Variants in LMOD1 observed in about 807,000 individuals in gnomAD.
The protein encoded by LMOD1 is leiomodin 1, also known as leiomodin-1.
Under a neutral mutation model 36.5 loss-of-function variants are expected in LMOD1, and 8 were observed. The observed-to-expected ratio is 0.22, with a 90% CI of 0.13 to 0.40. LMOD1 has a LOEUF of 0.40. Among genes scored for constraint, LMOD1 ranks in the 10% least tolerant of loss-of-function variants. The pLI is 1.00. For missense variants in LMOD1, 630 were observed against 751.1 expected (o/e 0.84, Z 1.88); for synonymous variants, 284 against 288.7 (o/e 0.98, Z 0.17).
intron 1 of LMOD1, among the ~76,000 whole-genome samples, chr1:201,915,898 C>T (rs2819349): frequency 0.3 from 45,272 of 151,870 alleles, 6,967 homozygotes; most frequent in Non-Finnish European, 0.34. Context: ...CAGACCCATC[C>T]GAAGCCTTTC....
Position 201,899,761 on chromosome 1 carries a change from T to A in LMOD1, c.1252A>T (p.Thr418Ser). 6.2e-7 allele frequency: 1 copy of A among 1,614,060 alleles called. No homozygotes were observed. The highest frequency in any genetic ancestry group is 8.5e-7 in the Non-Finnish European group (1 of 1,179,900). Residue 418 changes from threonine (T) to serine (S), a missense_variant, in exon 2 of 3, where the codon ACC becomes TCC. Coordinates refer to ENST00000367288, the MANE Select transcript of LMOD1 (RefSeq NM_012134.3). The surrounding 1 kb of genome is among the most constrained non-coding windows in gnomAD (Gnocchi z 6.3). ...CGCTGGTTGTGGAAGCGGAGCTCGG[T>A]CAGCGTGTTGTTCTGGAGGAGGGCC... The part of the protein sequence containing the change: ...FRALLQNNTL[T>S]ELRFHNQRHI...
rs891716640 is a variant in LMOD1, at chr1:201,930,078, G to A, written c.261+16002C>T. 3.9e-5 allele frequency among the ~76,000 whole-genome samples: 6 copies of A among 152,174 alleles called. No homozygotes were observed. In the South Asian group the frequency reaches 1.2e-3, roughly 31 times the overall value. On this transcript the variant is annotated intron_variant, in intron 1 of 2. Transcript: ENST00000367288. ...AAGCAAGATAAAGCCTGGCGCTCTG[G>A]AGAACCAATGGTCAAGTACAACTGT...
intron 1 of LMOD1, among the ~76,000 whole-genome samples, chr1:201,925,120 G>A (rs1366749764): frequency 6.6e-6 from 1 of 151,994 alleles, no homozygotes; most frequent in African/African-American, 2.4e-5. Context: ...GCTCAGGCAG[G>A]AGAATTGCTT....
At chr1:201,924,638 A>AAGAG (rs1261642143) in intron 1 of LMOD1, among the ~76,000 whole-genome samples, 3 of 96,070 alleles carry the variant, frequency 3.1e-5, no homozygotes, top group Non-Finnish European at 7.0e-5. Flanking sequence ...AGGAAGAATA[A>AAGAG]AGAAAGAAAG....
At chr1:201,924,670 A>AAAGAAAGAAAGAAAGAAAG (rs1681789338) in intron 1 of LMOD1, among the ~76,000 whole-genome samples, 5 of 5,102 alleles carry the variant, frequency 9.8e-4, no homozygotes, top group African/African-American at 2.1e-3. Context: ...GAAAAAAAAG[A>AAAGAAAGAAAGAAAGAAAG]AAGAAAGAAA....
intron 1 of LMOD1, among the ~76,000 whole-genome samples, chr1:201,913,522 G>A (rs1017062276): frequency 6.6e-6 from 1 of 152,164 alleles, no homozygotes; most frequent in Non-Finnish European, 1.5e-5. Flanking sequence ...CAGGAGAATC[G>A]TCCGAAGTCA....
intron 1 of LMOD1, among the ~76,000 whole-genome samples, chr1:201,906,423 C>CT (rs1440109259): frequency 6.6e-6 from 1 of 152,220 alleles, no homozygotes; most frequent in Non-Finnish European, 1.5e-5. Context: ...CCACCAAGAA[C>CT]TGGGGCTCTG....
In LMOD1 at chr1:201,901,649, C is replaced by CACAT. The variant is rs1553295736; in HGVS notation, c.262-899_262-898insATGT. Reference sequence around the variant, plus strand: ...GTGTGTGTATATATATATATATATACATATATATGTGTATATATATATATA... The same window carrying CACAT: ...GTGTGTGTATATATATATATATATACACATATATATATGTGTATATATATATATA... On this transcript the variant is annotated intron_variant, in intron 1 of 2. Transcript: ENST00000367288. 4.4e-3 allele frequency among the ~76,000 whole-genome samples: 275 copies of CACAT among 62,370 alleles called. 34 individuals carry two copies. Among genetic ancestry groups the CACAT allele is most frequent in the Middle Eastern group, 0.017 (2 of 120 alleles). The allele number at this position is 62,370 out of a possible 152,430, so 40.9% of individuals were successfully genotyped here.
At chr1:201,920,554 G>A (rs961294328) in intron 1 of LMOD1, among the ~76,000 whole-genome samples, 2 of 152,170 alleles carry the variant, frequency 1.3e-5, no homozygotes, top group African/African-American at 4.8e-5. Context: ...AGAAATAGCT[G>A]AGGAGTAAGC....
At chr1:201,932,089 T>C (rs924743126) in intron 1 of LMOD1, among the ~76,000 whole-genome samples, 1 of 152,108 alleles carries the variant, frequency 6.6e-6, no homozygotes, top group Admixed American at 6.6e-5. Context: ...AATTGCTAAA[T>C]GGTTACTTTC....
intron 1 of LMOD1, among the ~76,000 whole-genome samples, chr1:201,921,938 C>T (rs930439762): frequency 2.7e-5 from 4 of 147,684 alleles, no homozygotes; most frequent in African/African-American, 5.0e-5. Flanking sequence ...CCAGCCTGGG[C>T]GACAGAGTGA....
At chr1:201,917,078 G>T (rs1681625200) in intron 1 of LMOD1, among the ~76,000 whole-genome samples, 1 of 152,212 alleles carries the variant, frequency 6.6e-6, no homozygotes, top group Non-Finnish European at 1.5e-5. Flanking sequence ...GGGGAGCAAA[G>T]AAACCTTCTG....
intron 1 of LMOD1, among the ~76,000 whole-genome samples, chr1:201,941,959 G>A (rs910144829): frequency 1.3e-5 from 2 of 152,186 alleles, no homozygotes; most frequent in Non-Finnish European, 2.9e-5. Context: ...CAAGTTGACC[G>A]GTTGGGATCC....
rs528126222 is a variant in LMOD1, at chr1:201,915,121, T to C, written c.262-14370A>G. Among the ~76,000 whole-genome samples, 147 of 152,352 alleles carry C rather than the reference T, an allele frequency of 9.6e-4. 1 individual carries two copies. Among genetic ancestry groups the C allele is most frequent in the African/African-American group, 3.2e-3 (133 of 41,586 alleles). ...TTGCTCAAACTGCGTGGGAAGCATC[T>C]GGCGCTATTGGCCAGGTCCTTCCTT... On this transcript the variant is annotated intron_variant, in intron 1 of 2. Transcript: ENST00000367288.
intron 1 of LMOD1, among the ~76,000 whole-genome samples, chr1:201,937,203 T>C (rs1682033208): frequency 6.6e-6 from 1 of 152,094 alleles, no homozygotes; most frequent in South Asian, 2.1e-4. Flanking sequence ...TCCCAGCACT[T>C]GGGAGGCCAA....
At position 201,918,896 on chromosome 1, in the gene LMOD1, T is replaced by C. The variant is rs150986823; in HGVS notation, c.262-18145A>G. Among the ~76,000 whole-genome samples, 430 of 152,318 alleles carry C rather than the reference T, an allele frequency of 2.8e-3. 5 individuals are homozygous for C. Among genetic ancestry groups the C allele is most frequent in the Non-Finnish European group, 2.5e-3 (170 of 68,024 alleles). On this transcript the variant is annotated intron_variant, in intron 1 of 2. Coordinates refer to ENST00000367288, the MANE Select transcript of LMOD1 (RefSeq NM_012134.3). ...CATGCATACATATTTCAGTGTGTAC[T>C]CTATTTCTTTTTTAGGGACAGGGTC...
At position 201,900,137 on chromosome 1, in the gene LMOD1, C is replaced by A. The variant is rs1681271535; in HGVS notation, c.876G>T (p.Glu292Asp). 1.2e-6 allele frequency: 2 copies of A among 1,613,962 alleles called. No homozygotes were observed. Among genetic ancestry groups the A allele is most frequent in the Non-Finnish European group, 1.7e-6 (2 of 1,179,874 alleles). ...TGGTGGGGCCACTGGGCGTCTGTTTCTCGGGTGTTTTGGTCTTGCTGTCAT... is the reference window on the plus strand; with the variant it reads ...TGGTGGGGCCACTGGGCGTCTGTTTATCGGGTGTTTTGGTCTTGCTGTCAT... ...AKDDSKTKTP[E>D]KQTPSGPTKP... Residue 292 changes from glutamate to aspartate, a missense_variant, in exon 2 of 3, where the codon GAG becomes GAT. By Grantham distance (45) the Glu-to-Asp change is conservative. Coordinates refer to ENST00000367288, the MANE Select transcript of LMOD1 (RefSeq NM_012134.3).
In LMOD1 at chr1:201,897,607, G is replaced by A. The variant is rs1681217269; in HGVS notation, c.*765C>T. 1 of 152,752 alleles carries A rather than the reference G, an allele frequency of 6.5e-6. No individual in the cohort carries two copies. Among genetic ancestry groups the A allele is most frequent in the Admixed American group, 6.5e-5 (1 of 15,288 alleles). The allele number at this position is 152,752 out of a possible 1,614,324, so 9.5% of individuals were successfully genotyped here. ...CCCAGGGTTAGGATCAGGACTCACA[G>A]TTCAGGACAACAGGTGGGGCACAGC... On this transcript the variant is annotated 3_prime_UTR_variant, in exon 3 of 3. Coordinates refer to ENST00000367288, the MANE Select transcript of LMOD1 (RefSeq NM_012134.3).
At chr1:201,901,620 ATGTG>A (rs1217093444) in intron 1 of LMOD1, among the ~76,000 whole-genome samples, 3,449 of 47,160 alleles carry the variant, frequency 0.073, 494 homozygotes, top group African/African-American at 0.26. Flanking sequence ...ACACATATAT[ATGTG>A]TGTGTGTATA....
Sources: allele counts gnomAD v4.1 joint callset (sites outside exome capture counted in the v4.1 genomes callset), GRCh38; gene constraint gnomAD v4.1.1; non-coding constraint Gnocchi (gnomAD v3.1); transcripts MANE v1.5; gene names NCBI Gene and HGNC (gene_info 2026-07-23, HGNC 2026-07-21).